The following HDAC11 variants were observed in gnomAD, a reference collection of about 807,000 sequenced individuals.
The protein encoded by HDAC11 is histone deacetylase 11.
In HDAC11, 23 loss-of-function variants were observed where a neutral mutation model predicts 41.1. The observed-to-expected ratio is 0.56, with a 90% CI of 0.40 to 0.79. HDAC11 has a LOEUF of 0.79. Among genes scored for constraint, HDAC11 ranks in the 30% least tolerant of loss-of-function variants. The pLI is 0.00. For synonymous variants in HDAC11, 187 were observed against 186.6 expected (o/e 1.00, Z -0.02); for missense variants, 402 against 477.3 (o/e 0.84, Z 1.47).
chr3:13,494,957 TC>T (rs1702027922), intron 3 of HDAC11, among the ~76,000 whole-genome samples: 2 of 152,036 alleles, frequency 1.3e-5, no homozygotes, highest in Non-Finnish European at 2.9e-5. Context: ...CCCTCTGCCA[TC>T]ACACCCATCC....
At chr3:13,496,592 C>T in intron 3 of HDAC11, 144 bp from the exon 4 acceptor site, 1 of 600,310 alleles carries the variant, frequency 1.7e-6, no homozygotes, top group Non-Finnish European at 3.0e-6. Flanking sequence ...GCTCTCATTT[C>T]TACCAAAGGA....
rs1701303261 is a variant in HDAC11 at position 13,481,261 on chromosome 3, G to A, written c.18G>A (p.Gln6=). The A allele has an allele frequency of 6.2e-7, 1 of 1,612,202 alleles. No individual in the cohort carries two copies. Among genetic ancestry groups the A allele is most frequent in the African/African-American group, 1.3e-5 (1 of 74,856 alleles). Residue 6 remains glutamine (Q), a synonymous_variant, in exon 2 of 10, where the codon CAG becomes CAA. Coordinates refer to ENST00000295757, the MANE Select transcript of HDAC11 (RefSeq NM_024827.4). The part of the protein sequence containing the change: MLHTT[Q]LYQHVPETRW... ...CACACGGTAGGCTACACACAACCCA[G>A]CTGTACCAGCATGTGCCAGAGACAC...
chr3:13,504,848 A>C lies in HDAC11; in HGVS notation c.*165A>C. 1.5e-6 allele frequency: 1 copy of C among 666,814 alleles called. No homozygotes were observed. The highest frequency in any genetic ancestry group is 2.6e-6 in the Non-Finnish European group (1 of 386,870). The allele number at this position is 666,814 out of a possible 1,614,324, so 41.3% of individuals were successfully genotyped here. A position where few individuals can be genotyped will look rare whatever the true frequency, so the allele number is the denominator to read the frequency against. On this transcript the variant is annotated 3_prime_UTR_variant, in exon 10 of 10. Coordinates refer to ENST00000295757, the MANE Select transcript of HDAC11 (RefSeq NM_024827.4). ...CCCTTCCTCTACTTTTCCCTGCTGGAAGCCAGAAGGGCTTGAGGCCTCTAT... is the reference window on the plus strand; with the variant it reads ...CCCTTCCTCTACTTTTCCCTGCTGGCAGCCAGAAGGGCTTGAGGCCTCTAT...
chr3:13,504,666 C>A lies in HDAC11; in HGVS notation c.1027C>A (p.Pro343Thr). 1 of 1,613,678 alleles carries A rather than the reference C, an allele frequency of 6.2e-7. No homozygotes were observed. Among genetic ancestry groups the A allele is most frequent in the East Asian group, 2.2e-5 (1 of 44,884 alleles). Reference sequence around the variant, plus strand: ...ACAGAACTCAGACACACCGCTGCTTCCCCCTGCAGTGCCCTGACCCTTGCT... The same window carrying A: ...ACAGAACTCAGACACACCGCTGCTTACCCCTGCAGTGCCCTGACCCTTGCT... ...SAQNSDTPLLPPAVP is the reference protein window; with the variant it reads ...SAQNSDTPLLTPAVP The change falls in exon 10 of 10, where the codon CCC becomes ACC. Residue 343 changes from proline to threonine, a missense_variant. Pro to Thr is a conservative substitution (Grantham distance 38). Transcript: ENST00000295757.
chr3:13,488,011 A>G (rs1701673614), intron 3 of HDAC11, among the ~76,000 whole-genome samples: 1 of 151,300 alleles, frequency 6.6e-6, no homozygotes, highest in South Asian at 2.1e-4. Flanking sequence ...GGAGTGAGGG[A>G]GTGGGTGATG....
chr3:13,500,632 G>A (rs1355862236), intron 5 of HDAC11, 81 bp from the exon 6 acceptor site: 1 of 1,112,256 alleles, frequency 9.0e-7, no homozygotes, highest in East Asian at 2.6e-5. Flanking sequence ...AGGATGCTGG[G>A]GGAGGTGAAG....
Position 13,502,766 on chromosome 3 carries a change from C to T in HDAC11, c.553-118C>T, listed in dbSNP as rs545542659. 20 of 717,392 alleles carry T rather than the reference C, an allele frequency of 2.8e-5. No individual in the cohort carries two copies. Among genetic ancestry groups the T allele is most frequent in the East Asian group, 2.3e-4 (9 of 38,966 alleles). 44.4% of individuals were successfully genotyped at this position (717,392 alleles called of 1,614,324 possible). A position where few individuals can be genotyped will look rare whatever the true frequency, so the allele number is the denominator to read the frequency against. On this transcript the variant is annotated intron_variant, in intron 7 of 9. Transcript: ENST00000295757. This position sits in a 1 kb window ranked among gnomAD's most constrained non-coding sequence, Gnocchi z 4.1. ...TAACAGTCATGAGACCTGCTGCCCC[C>T]GAGAGCAGGCCGTGCTGCCCTGGCA... is the stretch of plus-strand genomic sequence containing the variant.
At chr3:13,490,240 C>T (rs1701787594) in intron 3 of HDAC11, among the ~76,000 whole-genome samples, 1 of 152,136 alleles carries the variant, frequency 6.6e-6, no homozygotes. Context: ...GATCTGCCTG[C>T]CTCTGCCTCC....
Position 13,504,121 on chromosome 3 carries a change from A to C in HDAC11, c.677A>C (p.Glu226Ala). The part of the protein sequence containing the change: ...KQAIRRKVEL[E>A]WGTEDDEYLD... ...GCCATCAGGCGGAAGGTGGAGCTGG[A>C]GTGGGGCACAGAGGATGATGAGTAC... Residue 226 changes from glutamate (E) to alanine (A), a missense_variant, in exon 9 of 10, where the codon GAG becomes GCG. Coordinates refer to ENST00000295757, the MANE Select transcript of HDAC11 (RefSeq NM_024827.4). 6.2e-7 allele frequency: 1 copy of C among 1,614,062 alleles called. No homozygotes were observed. Among genetic ancestry groups the C allele is most frequent in the Non-Finnish European group, 8.5e-7 (1 of 1,180,028 alleles).
At position 13,504,632 on chromosome 3, in the gene HDAC11, C is replaced by A. The variant is rs201442768; in HGVS notation, c.993C>A (p.Ser331Arg). ...GLGLIGPESP[S>R]VSAQNSDTPL... ...GGCTCATTGGGCCTGAGTCACCCAG[C>A]GTCTCCGCACAGAACTCAGACACAC... The change falls in exon 10 of 10, where the codon AGC becomes AGA. Residue 331 changes from serine (S) to arginine (R), a missense_variant. Coordinates refer to ENST00000295757, the MANE Select transcript of HDAC11 (RefSeq NM_024827.4). The A allele has an allele frequency of 1.9e-6, 3 of 1,613,698 alleles. No individual in the cohort carries two copies. The highest frequency in any genetic ancestry group is 1.7e-5 in the Admixed American group (1 of 60,004).
intron 3 of HDAC11, 107 bp downstream of exon 3, chr3:13,483,671 G>A: frequency 1.3e-6 from 1 of 794,696 alleles, no homozygotes; most frequent in South Asian, 1.5e-5. Flanking sequence ...AAGTCTCACA[G>A]GGCACCCATT....
intron 3 of HDAC11, among the ~76,000 whole-genome samples, chr3:13,488,845 G>T (rs898903776): frequency 2.0e-5 from 3 of 151,884 alleles, no homozygotes; most frequent in South Asian, 2.1e-4. Flanking sequence ...CTCCACGGGG[G>T]CTGCACCATT....
At chr3:13,503,031 T>A in intron 8 of HDAC11, 51 bp downstream of exon 8, 4 of 1,396,674 alleles carry the variant, frequency 2.9e-6, no homozygotes, top group Non-Finnish European at 3.0e-6. Flanking sequence ...TGGATGAGGC[T>A]CTCTCCTGAG....
In HDAC11 at chr3:13,502,980, C is replaced by T. The variant is rs769373103; in HGVS notation, c.649C>T (p.Gln217Ter). ...CTACCCAGGGGACCGCTTTGCCAAG[C>T]GTAAGCTGCTGCCCCTACCCTCATC... is the stretch of plus-strand genomic sequence containing the variant. ...HIYPGDRFAK[Q>*]AIRRKVELEW... The change falls in exon 8 of 10, where the codon CAG becomes TAG. Residue 217 changes from glutamine to a stop codon, truncating the protein, a stop_gained and splice_region_variant. Transcript: ENST00000295757. LOFTEE classifies it high-confidence loss of function. This position sits in a 1 kb window ranked among gnomAD's most constrained non-coding sequence, Gnocchi z 4.1. 17 of 1,610,324 alleles carry T rather than the reference C, an allele frequency of 1.1e-5. No individual in the cohort carries two copies. Among genetic ancestry groups the T allele is most frequent in the East Asian group, 2.2e-5 (1 of 44,846 alleles).
At chr3:13,489,357 TATATTTAGGCCTTG>T (rs550920279) in intron 3 of HDAC11, among the ~76,000 whole-genome samples, 196 of 152,364 alleles carry the variant, frequency 1.3e-3, no homozygotes, top group Non-Finnish European at 1.4e-3. Flanking sequence ...AGTTTTCACT[TATATTTAGGCCTTG>T]ATAAATTTTG....
chr3:13,502,971 T>C lies in HDAC11; in HGVS notation c.640T>C (p.Phe214Leu). Residue 214 changes from phenylalanine (F) to leucine (L), a missense_variant, in exon 8 of 10, where the codon TTT becomes CTT. Transcript: ENST00000295757. This position sits in a 1 kb window ranked among gnomAD's most constrained non-coding sequence, Gnocchi z 4.1. ...CCGCCACATCTACCCAGGGGACCGC[T>C]TTGCCAAGCGTAAGCTGCTGCCCCT... ...YNRHIYPGDR[F>L]AKQAIRRKVE... 6.2e-7 allele frequency: 1 copy of C among 1,613,340 alleles called. No homozygotes were observed. The highest frequency in any genetic ancestry group is 8.5e-7 in the Non-Finnish European group (1 of 1,179,470).
chr3:13,496,481 C>A, intron 3 of HDAC11: 2 of 363,508 alleles, frequency 5.5e-6, no homozygotes, highest in Non-Finnish European at 9.9e-6. Context: ...GGCCTCAGAA[C>A]GCTGAGGAAC....
At chr3:13,492,600 A>C (rs1036916645) in intron 3 of HDAC11, among the ~76,000 whole-genome samples, 2 of 152,102 alleles carry the variant, frequency 1.3e-5, no homozygotes, top group Non-Finnish European at 2.9e-5. Context: ...GCTGGAGTGC[A>C]GTGGTGCGAT....
At chr3:13,494,740 G>A (rs1319968784) in intron 3 of HDAC11, among the ~76,000 whole-genome samples, 2 of 152,196 alleles carry the variant, frequency 1.3e-5, no homozygotes, top group East Asian at 1.9e-4. Context: ...CGCCCTTGCC[G>A]GCCTGGGCTG....
Sources: allele counts gnomAD v4.1 joint callset (sites outside exome capture counted in the v4.1 genomes callset), GRCh38; gene constraint gnomAD v4.1.1; non-coding constraint Gnocchi (gnomAD v3.1); transcripts MANE v1.5; gene names NCBI Gene and HGNC (gene_info 2026-07-23, HGNC 2026-07-21).